Variants in PHACTR1 observed in about 807,000 individuals in gnomAD.
PHACTR1 encodes phosphatase and actin regulator 1, also known as RPEL repeat containing 1.
Under a neutral mutation model 69.2 loss-of-function variants are expected in PHACTR1, and 16 were observed. That is an observed-to-expected ratio of 0.23 (90% CI 0.16 to 0.35). PHACTR1 has a LOEUF of 0.35. PHACTR1 is among the 10% of genes least tolerant of loss of function. PHACTR1 has a pLI of 1.00. For synonymous variants in PHACTR1, 312 were observed against 284.5 expected, an observed-to-expected ratio of 1.10 and a Z score of -0.97; for missense variants, 510 against 734.7, an observed-to-expected ratio of 0.69 and a Z score of 3.54.
intron 4 of PHACTR1, among the ~76,000 whole-genome samples, chr6:12,977,635 A>G (rs573793805): frequency 6.6e-6 from 1 of 152,346 alleles, no homozygotes; most frequent in Admixed American, 6.5e-5. Context: ...TAATTAGTGT[A>G]ATGTAAGGAT....
rs546733701 is a variant in PHACTR1, at chr6:13,210,156, C to T, written c.986+4020C>T. Among the ~76,000 whole-genome samples, 11 of 152,152 alleles carry T rather than the reference C, an allele frequency of 7.2e-5. No homozygotes were observed. In the East Asian group the frequency reaches 7.7e-4, roughly 11 times the overall value. ...CTGAGTAGCTGGGATCACGGGTGCA[C>T]GCCACCATGCCCAGTTAATTTTTTT... On this transcript the variant is annotated intron_variant, in intron 8 of 14. Transcript: ENST00000332995.
At chr6:13,282,690 C>A (rs996044531) in intron 12 of PHACTR1, among the ~76,000 whole-genome samples, 1 of 152,158 alleles carries the variant, frequency 6.6e-6, no homozygotes, top group African/African-American at 2.4e-5. Flanking sequence ...AAAACCCACA[C>A]AAAATGCACT....
chr6:12,991,234 A>G (rs1229276921), intron 4 of PHACTR1, among the ~76,000 whole-genome samples: 1 of 152,140 alleles, frequency 6.6e-6, no homozygotes, highest in Non-Finnish European at 1.5e-5. Context: ...TCTTTTATAA[A>G]TCAGGTGAGA....
intron 3 of PHACTR1, among the ~76,000 whole-genome samples, chr6:12,730,986 T>TTTTA (rs10648753): frequency 0.29 from 40,160 of 137,722 alleles, 6,073 homozygotes; most frequent in South Asian, 0.33. Context: ...ATATTACCTT[T>TTTTA]TTTATTTATT....
In PHACTR1 at chr6:13,086,083, T is replaced by TAAAA. The variant is rs776154642; in HGVS notation, c.415+32574_415+32577dup. ...TAAAAATAAAGAAGATACACATTTC[T>TAAAA]AAAAAAAAAAAAAAAAAAAAAAAGC... On this transcript the variant is annotated intron_variant, in intron 5 of 14. Transcript: ENST00000332995. Among the ~76,000 whole-genome samples the TAAAA allele has an allele frequency of 1.4e-3, 86 of 60,248 alleles. 1 individual carries two copies. Among genetic ancestry groups the TAAAA allele is most frequent in the African/African-American group, 5.8e-3 (69 of 11,850 alleles). 39.5% of individuals were successfully genotyped at this position (60,248 alleles called of 152,430 possible).
intron 4 of PHACTR1, among the ~76,000 whole-genome samples, chr6:12,971,494 G>T (rs1220381537): frequency 6.6e-6 from 1 of 152,180 alleles, no homozygotes; most frequent in Non-Finnish European, 1.5e-5. Context: ...AGCCTGGAAA[G>T]GTAAATATGA....
At chr6:12,793,321 T>C (rs1185050896) in intron 4 of PHACTR1, among the ~76,000 whole-genome samples, 1 of 152,228 alleles carries the variant, frequency 6.6e-6, no homozygotes, top group Non-Finnish European at 1.5e-5. Context: ...TTTTCTTTAT[T>C]CAGATTTGTT....
chr6:12,877,313 G>T (rs1041432740), intron 4 of PHACTR1, among the ~76,000 whole-genome samples: 5 of 152,298 alleles, frequency 3.3e-5, no homozygotes, highest in East Asian at 1.9e-4. Context: ...GTGCTTCAGG[G>T]TATATGAAGC....
At chr6:13,204,995 G>T (rs1196927088) in intron 7 of PHACTR1, among the ~76,000 whole-genome samples, 1 of 152,134 alleles carries the variant, frequency 6.6e-6, no homozygotes, top group Non-Finnish European at 1.5e-5. Context: ...AGCATGTCTT[G>T]GTCTGTTTTG....
chr6:12,847,519 C>T (rs1345533773), intron 4 of PHACTR1, among the ~76,000 whole-genome samples: 14 of 152,096 alleles, frequency 9.2e-5, no homozygotes, highest in Admixed American at 9.2e-4. Flanking sequence ...AAATCCAACA[C>T]ATTTGGTTAT....
chr6:12,933,891 G>C, intron 4 of PHACTR1: 1 of 1,612,348 alleles, frequency 6.2e-7, no homozygotes, highest in African/African-American at 1.3e-5. Flanking sequence ...GAGTTTGGCT[G>C]AGAGGACATT....
At chr6:12,775,103 C>T (rs1769886843) in intron 4 of PHACTR1, among the ~76,000 whole-genome samples, 1 of 152,138 alleles carries the variant, frequency 6.6e-6, no homozygotes, top group African/African-American at 2.4e-5. Flanking sequence ...TTTCAGTGCC[C>T]TTACTGTGTC....
rs550950234 is a variant in PHACTR1 at position 12,809,718 on chromosome 6, T to C, written c.250+59928T>C. On this transcript the variant is annotated intron_variant, in intron 4 of 14. Transcript: ENST00000332995. The stretch of plus-strand genomic sequence containing the variant: ...TGTCTTACTTAGAGAAAAAGGATGA[T>C]GCTTTAAGTAAGCTCTATAGTTCAG... Among the ~76,000 whole-genome samples the C allele has an allele frequency of 2.8e-4, 42 of 152,344 alleles. No homozygotes were observed. In the South Asian group the frequency reaches 4.6e-3, roughly 17 times the overall value.
At chr6:12,759,188 C>T (rs1317320900) in intron 4 of PHACTR1, among the ~76,000 whole-genome samples, 1 of 151,266 alleles carries the variant, frequency 6.6e-6, no homozygotes, top group Non-Finnish European at 1.5e-5. Flanking sequence ...TTATGGCACC[C>T]CACATAACAC....
intron 5 of PHACTR1, among the ~76,000 whole-genome samples, chr6:13,109,881 G>C (rs1816767399): frequency 7.0e-6 from 1 of 142,198 alleles, no homozygotes; most frequent in South Asian, 2.3e-4. Flanking sequence ...TTTCAGTTTG[G>C]ATAGTTTCTA....
chr6:13,247,311 C>T (rs548541331), intron 10 of PHACTR1, among the ~76,000 whole-genome samples: 1 of 148,468 alleles, frequency 6.7e-6, no homozygotes, highest in South Asian at 2.1e-4. Flanking sequence ...CACATTGTAA[C>T]TTATCAAGTT....
chr6:13,259,298 G>T (rs191172475), intron 10 of PHACTR1, among the ~76,000 whole-genome samples: 1 of 152,120 alleles, frequency 6.6e-6, no homozygotes, highest in East Asian at 1.9e-4. Flanking sequence ...GCTCTCAACC[G>T]TCTCACTGTT....
chr6:12,875,996 G>A (rs1394795372), intron 4 of PHACTR1, among the ~76,000 whole-genome samples: 1 of 152,088 alleles, frequency 6.6e-6, no homozygotes, highest in Non-Finnish European at 1.5e-5. Context: ...GGGAAGATGG[G>A]GACACTATAA....
At chr6:12,777,924 G>A (rs1026258698) in intron 4 of PHACTR1, among the ~76,000 whole-genome samples, 13 of 152,102 alleles carry the variant, frequency 8.5e-5, no homozygotes, top group East Asian at 1.9e-4. Flanking sequence ...GAGCCATGGC[G>A]CCCAGCCCCA....
Sources: allele counts gnomAD v4.1 joint callset (sites outside exome capture counted in the v4.1 genomes callset), GRCh38; gene constraint gnomAD v4.1.1; transcripts MANE v1.5; gene names NCBI Gene and HGNC (gene_info 2026-07-23, HGNC 2026-07-21).